ATL3: variants seen among roughly 807,000 people sequenced by gnomAD.
ATL3 encodes atlastin GTPase 3.
Under a neutral mutation model 69.5 loss-of-function variants are expected in ATL3, and 49 were observed. The observed-to-expected ratio is 0.71, with a 90% CI of 0.56 to 0.89. The LOEUF is 0.89. Ranked by LOEUF, ATL3 falls within the 40% of genes least tolerant of loss-of-function variation. ATL3 has a pLI of 0.00. For missense variants in ATL3, 606 were observed against 645.7 expected, an observed-to-expected ratio of 0.94 and a Z score of 0.67; for synonymous variants, 214 against 224.1, an observed-to-expected ratio of 0.95 and a Z score of 0.40.
chr11:63,652,465 T>G lies in ATL3; in HGVS notation c.510+6A>C, dbSNP rs764932893. On this transcript the variant is annotated splice_donor_region_variant and intron_variant, in intron 4 of 12. Transcript: ENST00000398868. ...CGAGCTTTTTTCTGAGTCAAGTGGTTTTTACCTGAACAGAACTAGTCATAG... is the reference window on the plus strand; with the variant it reads ...CGAGCTTTTTTCTGAGTCAAGTGGTGTTTACCTGAACAGAACTAGTCATAG... 5 of 1,529,566 alleles carry G rather than the reference T, an allele frequency of 3.3e-6. No individual in the cohort carries two copies. In the South Asian group the frequency reaches 6.6e-5, roughly 20 times the overall value. The allele number at this position is 1,529,566 out of a possible 1,614,324, so 94.7% of individuals were successfully genotyped here.
At position 63,643,429 on chromosome 11, in the gene ATL3, C is replaced by T. The variant is rs1565274335; in HGVS notation, c.778G>A (p.Val260Ile). 2 of 1,612,668 alleles carry T rather than the reference C, an allele frequency of 1.2e-6. No homozygotes were observed. Among genetic ancestry groups the T allele is most frequent in the South Asian group, 1.1e-5 (1 of 90,660 alleles). Residue 260 changes from valine to isoleucine, a missense_variant, in exon 8 of 13, where the codon GTC becomes ATC. Val to Ile is a conservative substitution (Grantham distance 29). Coordinates refer to ENST00000398868, the MANE Select transcript of ATL3 (RefSeq NM_015459.5). Reference protein sequence around the residue: ...RNHIHSCFSDVTCFLLPHPGL... With the variant: ...RNHIHSCFSDITCFLLPHPGL... ...GGATGTGGTAAGAGAAAGCAGGTGA[C>T]ATCGGAGAAACATGAGTGAATGTGA...
chr11:63,671,521 A>C, upstream of ATL3: 3 of 1,436,454 alleles, frequency 2.1e-6, no homozygotes, highest in Non-Finnish European at 1.8e-6. Flanking sequence ...GGCCCAACGG[A>C]CAGCCCGAGG....
chr11:63,645,114 T>A (rs1373697145), intron 6 of ATL3, among the ~76,000 whole-genome samples: 3 of 151,298 alleles, frequency 2.0e-5, no homozygotes, highest in Non-Finnish European at 2.9e-5. Context: ...GTTTTCAGCA[T>A]TAGAAAGGAA....
In ATL3 at chr11:63,629,336, C is replaced by T. The variant is rs201433550; in HGVS notation, c.1609G>A (p.Asp537Asn). Residue 537 changes from aspartate to asparagine, a missense_variant, in exon 13 of 13, where the codon GAT becomes AAT. By Grantham distance (23) the Asp-to-Asn change is conservative. Coordinates refer to ENST00000398868, the MANE Select transcript of ATL3 (RefSeq NM_015459.5). ...TTAAGATGCTATTGAGCTTTTTTAT[C>T]CATGGATGGTCTTCCAACAACTGCA... ...RDAVVGRPSMDKKAQ is the reference protein window; with the variant it reads ...RDAVVGRPSMNKKAQ The T allele has an allele frequency of 9.5e-5, 154 of 1,614,000 alleles. No individual in the cohort carries two copies. Among genetic ancestry groups the T allele is most frequent in the African/African-American group, 6.7e-4 (50 of 75,010 alleles).
intron 10 of ATL3, 145 bp from the exon 11 acceptor site, chr11:63,633,242 T>C (rs942570557): frequency 9.4e-6 from 6 of 640,862 alleles, no homozygotes; most frequent in Middle Eastern, 3.8e-4. Flanking sequence ...GTTCAACTGA[T>C]GAAATAGAAT....
At position 63,627,429 on chromosome 11, in the gene ATL3, G is replaced by A. The variant is rs1007909299; in HGVS notation, c.*1890C>T. The A allele has an allele frequency of 1.1e-4, 16 of 152,148 alleles. No homozygotes were observed. In the East Asian group the frequency reaches 1.2e-3, roughly 11 times the overall value. The allele number at this position is 152,148 out of a possible 1,614,324, so 9.4% of individuals were successfully genotyped here. ...ATATAAATATGAAACAATATGCTGC[G>A]AATTTAGGACTTACAAAAATACTTC... On this transcript the variant is annotated 3_prime_UTR_variant, in exon 13 of 13. Coordinates refer to ENST00000398868, the MANE Select transcript of ATL3 (RefSeq NM_015459.5).
In ATL3 at chr11:63,645,866, C is replaced by A. The variant is rs1644569649; in HGVS notation, c.618+641G>T. Among the ~76,000 whole-genome samples, 4 of 151,932 alleles carry A rather than the reference C, an allele frequency of 2.6e-5. No homozygotes were observed. In the South Asian group the frequency reaches 8.3e-4, roughly 31 times the overall value. On this transcript the variant is annotated intron_variant, in intron 6 of 12. Coordinates refer to ENST00000398868, the MANE Select transcript of ATL3 (RefSeq NM_015459.5). ...CACTGTAACCTTCACCTACCAGGCT[C>A]GAGCGACTCTCCTGCCTTAGCCTCC...
intron 1 of ATL3, among the ~76,000 whole-genome samples, chr11:63,665,250 C>A (rs1940539698): frequency 6.7e-6 from 1 of 150,336 alleles, no homozygotes; most frequent in African/African-American, 2.5e-5. Context: ...GAGGCTGAGG[C>A]AGGAGAATCG....
At position 63,631,135 on chromosome 11, in the gene ATL3, T is replaced by C; in HGVS notation, c.1444A>G (p.Ile482Val). ...ATGTAGCCCCAGGTGAGGAGTGCTA[T>C]TAACAGTAGTCCAACCATACAGTTG... ...LFNCMVGLLL[I>V]ALLTWGYIRY... The change falls in exon 12 of 13, where the codon ATA becomes GTA. Residue 482 changes from isoleucine to valine, a missense_variant. Ile to Val is a conservative substitution (Grantham distance 29). Transcript: ENST00000398868. 2 of 1,614,208 alleles carry C rather than the reference T, an allele frequency of 1.2e-6. No homozygotes were observed. Among genetic ancestry groups the C allele is most frequent in the Non-Finnish European group, 1.7e-6 (2 of 1,180,044 alleles).
At chr11:63,655,797 A>G (rs1189638006) in intron 3 of ATL3, among the ~76,000 whole-genome samples, 1 of 152,144 alleles carries the variant, frequency 6.6e-6, no homozygotes, top group Non-Finnish European at 1.5e-5. Context: ...CAAGAGGCAC[A>G]TGTAATAGGA....
At chr11:63,669,591 T>C (rs1940709313) in intron 1 of ATL3, among the ~76,000 whole-genome samples, 1 of 151,928 alleles carries the variant, frequency 6.6e-6, no homozygotes, top group Admixed American at 6.6e-5. Context: ...CAACACCACA[T>C]CTATCCCGTT....
At position 63,652,515 on chromosome 11, in the gene ATL3, A is replaced by G; in HGVS notation, c.466T>C (p.Cys156Arg). ...AFDSQSTVKD[C>R]ATIFALSTMT... is the part of the protein sequence containing the mutation. Reference sequence around the variant, plus strand: ...GTGCTTAGAGCAAAGATGGTAGCACAGTCTTTCACAGTTGACTGGCTGTCA... The same window carrying G: ...GTGCTTAGAGCAAAGATGGTAGCACGGTCTTTCACAGTTGACTGGCTGTCA... The change falls in exon 4 of 13, where the codon TGT (cysteine) becomes CGT (arginine). Residue 156 changes from cysteine to arginine, a missense_variant. Physicochemically the swap from Cys to Arg is radical, Grantham distance 180 (BLOSUM62 -3). Transcript: ENST00000398868. The G allele has an allele frequency of 6.2e-7, 1 of 1,611,714 alleles. No homozygotes were observed. Among genetic ancestry groups the G allele is most frequent in the Non-Finnish European group, 8.5e-7 (1 of 1,178,402 alleles).
At chr11:63,655,096 T>G (rs141371892) in intron 3 of ATL3, among the ~76,000 whole-genome samples, 1,817 of 152,294 alleles carry the variant, frequency 0.012, 38 homozygotes, top group African/African-American at 0.041. Flanking sequence ...TCTAGCTTTA[T>G]TCTGAGATGT....
chr11:63,644,280 GA>G lies in ATL3; in HGVS notation c.619-20del. ...TCAGTGTCTATTTAAGAAAAGAGCG[GA>G]ACATATTTTAACATGCATAAACACA... On this transcript the variant is annotated intron_variant, in intron 6 of 12. Transcript: ENST00000398868. 6.7e-7 allele frequency: 1 copy of G among 1,496,026 alleles called. No homozygotes were observed. Among genetic ancestry groups the G allele is most frequent in the Non-Finnish European group, 9.3e-7 (1 of 1,077,988 alleles). The allele number at this position is 1,496,026 out of a possible 1,614,324, so 92.7% of individuals were successfully genotyped here.
chr11:63,660,148 A>T (rs1158002118), intron 1 of ATL3, among the ~76,000 whole-genome samples: 2 of 152,082 alleles, frequency 1.3e-5, no homozygotes, highest in Non-Finnish European at 2.9e-5. Context: ...TTAAAATTAA[A>T]AACTTTGTTC....
At chr11:63,664,523 G>C (rs185471931) in intron 1 of ATL3, among the ~76,000 whole-genome samples, 4 of 151,778 alleles carry the variant, frequency 2.6e-5, no homozygotes, top group Middle Eastern at 3.4e-3. Flanking sequence ...CTGGGCAACA[G>C]AGCGAAACTC....
At chr11:63,642,312 T>C (rs764009880) in intron 8 of ATL3, among the ~76,000 whole-genome samples, 1 of 152,186 alleles carries the variant, frequency 6.6e-6, no homozygotes, top group Non-Finnish European at 1.5e-5. Context: ...AAAGGTTAAG[T>C]CTCTTTAACT....
chr11:63,638,137 G>A (rs904992605), intron 8 of ATL3, among the ~76,000 whole-genome samples: 2 of 152,122 alleles, frequency 1.3e-5, no homozygotes, highest in Non-Finnish European at 2.9e-5. Context: ...AAGCTGTACA[G>A]ACCCTATATG....
At chr11:63,671,499 C>T, upstream of ATL3, 1 of 1,452,354 alleles carries the variant, frequency 6.9e-7, no homozygotes, top group African/African-American at 1.5e-5. Context: ...GCGAGCGCAG[C>T]GCGGTCTGCG....
Sources: allele counts gnomAD v4.1 joint callset (sites outside exome capture counted in the v4.1 genomes callset), GRCh38; gene constraint gnomAD v4.1.1; transcripts MANE v1.5; gene names NCBI Gene and HGNC (gene_info 2026-07-23, HGNC 2026-07-21).